The following PRKN variants were observed in gnomAD, a reference collection of about 807,000 sequenced individuals.
PRKN encodes the protein E3 ubiquitin-protein ligase parkin.
PRKN carries 56 observed loss-of-function variants against 59.5 expected under a neutral mutation model. The ratio of observed to expected loss-of-function variants is 0.94; its 90% CI spans 0.76 to 1.18. The LOEUF (loss-of-function observed/expected upper bound fraction) is 1.18, where lower values mean the gene tolerates loss of function less well. PRKN is among the 50% of genes most tolerant of loss of function. The pLI is 0.00. For synonymous variants in PRKN, 250 were observed against 222.1 expected (o/e 1.13, Z -1.12); for missense variants, 657 against 596.4 (o/e 1.10, Z -1.06).
chr6:162,550,828 G>A (rs957754216), intron 1 of PRKN, among the ~76,000 whole-genome samples: 4 of 152,104 alleles, frequency 2.6e-5, no homozygotes, highest in Admixed American at 1.3e-4. Context: ...GTCATGCTGC[G>A]ACGGTGCCAT....
intron 1 of PRKN, among the ~76,000 whole-genome samples, chr6:162,543,100 A>G (rs1419333091): frequency 6.6e-6 from 1 of 152,134 alleles, no homozygotes; most frequent in Non-Finnish European, 1.5e-5. Context: ...TAAATTAAAC[A>G]TGTCCACTTC....
intron 5 of PRKN, among the ~76,000 whole-genome samples, chr6:162,044,503 G>T (rs930841814): frequency 6.6e-6 from 1 of 152,238 alleles, no homozygotes; most frequent in African/African-American, 2.4e-5. Flanking sequence ...CCAGGCAGCC[G>T]CCCTGTTTCA....
chr6:161,828,948 C>T (rs905397020), intron 6 of PRKN, among the ~76,000 whole-genome samples: 3 of 150,902 alleles, frequency 2.0e-5, no homozygotes, highest in East Asian at 3.9e-4. Context: ...AAAAAAGAGC[C>T]GGTTGCGACG....
At chr6:161,817,597 G>A (rs115730155) in intron 6 of PRKN, among the ~76,000 whole-genome samples, 2 of 152,076 alleles carry the variant, frequency 1.3e-5, no homozygotes, top group South Asian at 4.1e-4. Context: ...AACCTATATT[G>A]CTCAGTCCTC....
chr6:161,824,198 C>T (rs1332652986), intron 6 of PRKN, among the ~76,000 whole-genome samples: 4 of 152,166 alleles, frequency 2.6e-5, no homozygotes, highest in Admixed American at 1.3e-4. Flanking sequence ...GCACCCAGCA[C>T]CTGAAACGTG....
chr6:161,625,345 T>C (rs992344351), intron 7 of PRKN, among the ~76,000 whole-genome samples: 1 of 146,834 alleles, frequency 6.8e-6, no homozygotes, highest in African/African-American at 2.5e-5. Context: ...TTCTCACTCA[T>C]AGGTGGGAGT....
chr6:162,105,745 A>G (rs1393775833), intron 4 of PRKN, among the ~76,000 whole-genome samples: 1 of 152,224 alleles, frequency 6.6e-6, no homozygotes, highest in Non-Finnish European at 1.5e-5. Context: ...TCTTCCACCA[A>G]TAAGAAAAAT....
intron 2 of PRKN, among the ~76,000 whole-genome samples, chr6:162,398,685 T>C (rs1055400625): frequency 3.3e-5 from 5 of 152,166 alleles, no homozygotes; most frequent in Admixed American, 1.3e-4. Context: ...GCACTCCACC[T>C]GGGCCAGCCA....
chr6:161,816,439 G>T (rs1453649088), intron 6 of PRKN, among the ~76,000 whole-genome samples: 2 of 152,084 alleles, frequency 1.3e-5, no homozygotes, highest in African/African-American at 4.8e-5. Flanking sequence ...TGTGATAGTG[G>T]TCTTACCGGT....
chr6:161,617,676 T>G (rs1192333666), intron 7 of PRKN, among the ~76,000 whole-genome samples: 1 of 152,212 alleles, frequency 6.6e-6, no homozygotes, highest in African/African-American at 2.4e-5. Flanking sequence ...TTCTTATTTC[T>G]TTTTAGCTAG....
intron 6 of PRKN, among the ~76,000 whole-genome samples, chr6:161,944,500 T>C (rs111905322): frequency 5.3e-5 from 8 of 152,228 alleles, no homozygotes; most frequent in African/African-American, 7.2e-5. Flanking sequence ...TTCCTCAGCA[T>C]TGGGCTCCAA....
At position 161,762,993 on chromosome 6, in the gene PRKN, T is replaced by C. The variant is rs146524004; in HGVS notation, c.871+22779A>G. 5.1e-4 allele frequency among the ~76,000 whole-genome samples: 77 copies of C among 152,256 alleles called. No individual in the cohort carries two copies. The East Asian group carries it at 0.013, about 26-fold the overall frequency. On this transcript the variant is annotated intron_variant, in intron 7 of 11. Transcript: ENST00000366898. Reference sequence around the variant, plus strand: ...CTGAGGACAAAAGATAAAGAGAGCATATAGAAATAAAACCCAGAATAGATG... The same window carrying C: ...CTGAGGACAAAAGATAAAGAGAGCACATAGAAATAAAACCCAGAATAGATG...
chr6:161,963,282 G>A (rs1780454984), intron 6 of PRKN, among the ~76,000 whole-genome samples: 1 of 152,232 alleles, frequency 6.6e-6, no homozygotes. Flanking sequence ...TTGCAATATT[G>A]CCCTGCTCTT....
At chr6:161,918,262 AT>A (rs1278231416) in intron 6 of PRKN, among the ~76,000 whole-genome samples, 1 of 152,196 alleles carries the variant, frequency 6.6e-6, no homozygotes, top group Non-Finnish European at 1.5e-5. Context: ...CATTGCTTCA[AT>A]TTGCTGACGA....
rs142400832 is a variant in PRKN, at chr6:161,702,468, C to A, written c.871+83304G>T. On this transcript the variant is annotated intron_variant, in intron 7 of 11. Transcript: ENST00000366898. ...AAATAGGTATGATTGTATGATTCCA[C>A]CTATATAAGGTCCTTGGAGTAGTCA... 1.8e-4 allele frequency among the ~76,000 whole-genome samples: 27 copies of A among 151,960 alleles called. No homozygotes were observed. In the East Asian group the frequency reaches 5.2e-3, roughly 30 times the overall value.
At chr6:161,931,433 C>T (rs1028467390) in intron 6 of PRKN, among the ~76,000 whole-genome samples, 4 of 152,048 alleles carry the variant, frequency 2.6e-5, no homozygotes, top group Non-Finnish European at 5.9e-5. Context: ...AGACATGGCA[C>T]CCAGCACCCC....
At position 161,352,684 on chromosome 6, in the gene PRKN, T is replaced by C. The variant is rs945927146; in HGVS notation, c.1286-2473A>G. Among the ~76,000 whole-genome samples the C allele has an allele frequency of 6.0e-5, 9 of 150,628 alleles. No homozygotes were observed. Among genetic ancestry groups the C allele is most frequent in the African/African-American group, 2.2e-4 (9 of 41,052 alleles). On this transcript the variant is annotated intron_variant, in intron 11 of 11. Coordinates refer to ENST00000366898, the MANE Select transcript of PRKN (RefSeq NM_004562.3). This position sits in a 1 kb window ranked among gnomAD's most constrained non-coding sequence, Gnocchi z 5.8. ...GGTAAGAAACTTTCCTATTGTGATA[T>C]TTAATATATATAAGCATATATAAAC...
intron 1 of PRKN, among the ~76,000 whole-genome samples, chr6:162,547,161 A>G (rs1445061020): frequency 1.3e-5 from 2 of 152,160 alleles, no homozygotes; most frequent in Non-Finnish European, 2.9e-5. Flanking sequence ...CTTGCCTATT[A>G]TGTTTCTGGT....
chr6:162,419,143 G>C (rs9458546), intron 2 of PRKN, among the ~76,000 whole-genome samples: 78,828 of 151,622 alleles, frequency 0.52, 20,907 homozygotes, highest in East Asian at 0.68. Flanking sequence ...TTATTGTCTT[G>C]GCTTGGATGT....
Sources: allele counts gnomAD v4.1 joint callset (sites outside exome capture counted in the v4.1 genomes callset), GRCh38; gene constraint gnomAD v4.1.1; non-coding constraint Gnocchi (gnomAD v3.1); transcripts MANE v1.5; gene names NCBI Gene and HGNC (gene_info 2026-07-23, HGNC 2026-07-21).